The following PTGFRN variants were observed in gnomAD, a reference collection of about 807,000 sequenced individuals.
PTGFRN encodes the protein prostaglandin F2 receptor negative regulator.
Under a neutral mutation model 83.2 loss-of-function variants are expected in PTGFRN, and 35 were observed. That is an observed-to-expected ratio of 0.42 (90% CI 0.32 to 0.56). PTGFRN has a LOEUF of 0.56. Among genes scored for constraint, PTGFRN ranks in the 20% least tolerant of loss-of-function variants. PTGFRN has a pLI of 0.11. For missense variants in PTGFRN, 1,051 were observed against 1,179.5 expected, an observed-to-expected ratio of 0.89 and a Z score of 1.60; for synonymous variants, 519 against 498.6, an observed-to-expected ratio of 1.04 and a Z score of -0.55.
rs142404934 is a variant in PTGFRN at position 116,958,842 on chromosome 1, G to A, written c.1214-2401G>A. Among the ~76,000 whole-genome samples, 208 of 152,260 alleles carry A rather than the reference G, an allele frequency of 1.4e-3. No homozygotes were observed. The highest frequency in any genetic ancestry group is 4.8e-3 in the African/African-American group (200 of 41,538). On this transcript the variant is annotated intron_variant, in intron 4 of 8. Transcript: ENST00000393203. The surrounding 1 kb of genome is among the most constrained non-coding windows in gnomAD (Gnocchi z 4.9). ...CTCACAGTTTGCTGTTCAGGGTTAT[G>A]GTTCTCCAGTCCCCACACAGTCTCA...
At chr1:116,979,749 A>T (rs1367146800) in intron 7 of PTGFRN, among the ~76,000 whole-genome samples, 3 of 152,224 alleles carry the variant, frequency 2.0e-5, no homozygotes, top group African/African-American at 7.2e-5. Flanking sequence ...TAAATGTTAG[A>T]CCTAAAACCA....
In PTGFRN at chr1:116,910,001, GA is replaced by G; in HGVS notation, c.-201del. 1 of 642,114 alleles carries G rather than the reference GA, an allele frequency of 1.6e-6. No individual in the cohort carries two copies. Among genetic ancestry groups the G allele is most frequent in the East Asian group, 3.2e-5 (1 of 30,964 alleles). The allele number at this position is 642,114 out of a possible 1,614,324, so 39.8% of individuals were successfully genotyped here. ...GGCCCGGCCGGCTGGAGGAGGGAGG[GA>G]AGGAGGCGGGAGGGAGCGAGCGGAG... is the stretch of plus-strand genomic sequence containing the variant. On this transcript the variant is annotated 5_prime_UTR_variant, in exon 1 of 9. Coordinates refer to ENST00000393203, the MANE Select transcript of PTGFRN (RefSeq NM_020440.4).
chr1:116,979,232 A>G (rs985463848), intron 7 of PTGFRN, among the ~76,000 whole-genome samples: 4 of 152,208 alleles, frequency 2.6e-5, no homozygotes, highest in African/African-American at 9.7e-5. Flanking sequence ...GACAGAAACA[A>G]ATGGAAGAAC....
At chr1:116,980,159 A>G (rs144747057) in intron 7 of PTGFRN, among the ~76,000 whole-genome samples, 2,200 of 151,662 alleles carry the variant, frequency 0.015, 84 homozygotes, top group African/African-American at 0.051. Context: ...CAAAACCACA[A>G]TGCAACACCA....
intron 1 of PTGFRN, among the ~76,000 whole-genome samples, chr1:116,910,547 A>G (rs1436679096): frequency 6.6e-6 from 1 of 151,726 alleles, no homozygotes; most frequent in East Asian, 1.9e-4. Flanking sequence ...TCTTTCCCCC[A>G]GGTCTCCCTA....
chr1:116,971,818 C>A (rs763648010), intron 6 of PTGFRN, among the ~76,000 whole-genome samples: 1 of 152,086 alleles, frequency 6.6e-6, no homozygotes, highest in African/African-American at 2.4e-5. Flanking sequence ...GAAATTTGTT[C>A]GAATTAAGTA....
At chr1:116,920,363 A>G (rs993341797) in intron 1 of PTGFRN, among the ~76,000 whole-genome samples, 17 of 152,146 alleles carry the variant, frequency 1.1e-4, no homozygotes, top group South Asian at 2.1e-4. Flanking sequence ...ATCATTACCA[A>G]TTTTCTTTTA....
intron 8 of PTGFRN, among the ~76,000 whole-genome samples, chr1:116,985,371 C>G (rs539779446): frequency 6.6e-6 from 1 of 152,236 alleles, no homozygotes; most frequent in African/African-American, 2.4e-5. Flanking sequence ...GCTTAGGGAC[C>G]TGCTACTCTC....
chr1:116,920,009 G>C (rs1296833608), intron 1 of PTGFRN, among the ~76,000 whole-genome samples: 1 of 152,246 alleles, frequency 6.6e-6, no homozygotes, highest in Non-Finnish European at 1.5e-5. Context: ...GCTGACCCCT[G>C]CTGTTGGCCA....
intron 8 of PTGFRN, 26 bp from the exon 9 acceptor site, chr1:116,986,775 C>T (rs1570684790): frequency 6.2e-7 from 1 of 1,611,314 alleles, no homozygotes; most frequent in East Asian, 2.2e-5. Flanking sequence ...CACTGACTGG[C>T]TTCCCCTTTG....
intron 1 of PTGFRN, among the ~76,000 whole-genome samples, chr1:116,930,311 CTT>C (rs371739783): frequency 2.6e-5 from 4 of 152,200 alleles, no homozygotes; most frequent in Non-Finnish European, 5.9e-5. Context: ...TGTGCTGACT[CTT>C]TTTCTTCTGC....
intron 7 of PTGFRN, among the ~76,000 whole-genome samples, chr1:116,979,492 A>G (rs1651249274): frequency 6.6e-6 from 1 of 152,240 alleles, no homozygotes; most frequent in Non-Finnish European, 1.5e-5. Flanking sequence ...TGCAGTAACC[A>G]AAACAGCATG....
intron 7 of PTGFRN, among the ~76,000 whole-genome samples, chr1:116,980,876 G>A (rs12067142): frequency 0.34 from 51,482 of 151,934 alleles, 9,123 homozygotes; most frequent in East Asian, 0.46. Flanking sequence ...TATGCCCAAA[G>A]TCTGTCCTCA....
chr1:116,986,758 C>A, intron 8 of PTGFRN, 43 bp from the exon 9 acceptor site: 1 of 1,597,992 alleles, frequency 6.3e-7, no homozygotes, highest in South Asian at 1.1e-5. Context: ...AGCGGCCTCC[C>A]TCGCAGCACT....
At chr1:116,912,487 C>T (rs916650720) in intron 1 of PTGFRN, among the ~76,000 whole-genome samples, 1 of 152,112 alleles carries the variant, frequency 6.6e-6, no homozygotes, top group Non-Finnish European at 1.5e-5. Context: ...CTCTTTTTGA[C>T]CTCCATATTC....
chr1:116,978,341 A>G (rs1356665371), intron 7 of PTGFRN, among the ~76,000 whole-genome samples: 1 of 152,168 alleles, frequency 6.6e-6, no homozygotes, highest in Non-Finnish European at 1.5e-5. Flanking sequence ...CAATCAATAG[A>G]AAAAGAGGGA....
chr1:116,912,377 A>G (rs1649294320), intron 1 of PTGFRN, among the ~76,000 whole-genome samples: 1 of 152,262 alleles, frequency 6.6e-6, no homozygotes, highest in East Asian at 1.9e-4. Flanking sequence ...GCTGTGTTAC[A>G]CTGCTCTGGC....
chr1:116,941,112 A>G lies in PTGFRN; in HGVS notation c.50-603A>G, dbSNP rs1650047848. Among the ~76,000 whole-genome samples, 1 of 152,232 alleles carries G rather than the reference A, an allele frequency of 6.6e-6. No homozygotes were observed. Among genetic ancestry groups the G allele is most frequent in the African/African-American group, 2.4e-5 (1 of 41,474 alleles). ...CTCATTCTGAATTTAGATCAGAACAAAGAGTAGAGAAGGAAATGAGCCAGA... is the reference window on the plus strand; with the variant it reads ...CTCATTCTGAATTTAGATCAGAACAGAGAGTAGAGAAGGAAATGAGCCAGA... On this transcript the variant is annotated intron_variant, in intron 1 of 8. Transcript: ENST00000393203. The surrounding 1 kb of genome is among the most constrained non-coding windows in gnomAD (Gnocchi z 5.0).
rs188022804 is a variant in PTGFRN, at chr1:116,932,344, G to A, written c.50-9371G>A. ...CTACCTGTCCCCATCGATTCCACCT[G>A]ATAGAAGAAAGTCGAAGGCATTTAA... is the stretch of plus-strand genomic sequence containing the variant. On this transcript the variant is annotated intron_variant, in intron 1 of 8. Coordinates refer to ENST00000393203, the MANE Select transcript of PTGFRN (RefSeq NM_020440.4). 1.2e-3 allele frequency among the ~76,000 whole-genome samples: 187 copies of A among 152,298 alleles called. 1 individual carries two copies. The highest frequency in any genetic ancestry group is 3.9e-3 in the African/African-American group (164 of 41,568).
Sources: gnomAD v4.1 joint callset for allele counts (sites outside exome capture counted in the v4.1 genomes callset) on GRCh38, gnomAD v4.1.1 for gene constraint, Gnocchi (gnomAD v3.1) non-coding constraint, MANE v1.5 for transcripts, NCBI Gene and HGNC (gene_info 2026-07-23, HGNC 2026-07-21) for gene names.